Variants in CTNNA1 observed in about 807,000 individuals in gnomAD.
The protein encoded by CTNNA1 is catenin alpha 1.
CTNNA1 carries 37 observed loss-of-function variants against 98.4 expected under a neutral mutation model. That is an observed-to-expected ratio of 0.38 (90% CI 0.29 to 0.49). CTNNA1 has a LOEUF of 0.49. Among genes scored for constraint, CTNNA1 ranks in the 20% least tolerant of loss-of-function variants. The probability of loss-of-function intolerance (pLI) is 0.95; values close to 1 mark genes in which losing one functional copy is unlikely to be tolerated. For synonymous variants in CTNNA1, 404 were observed against 413.2 expected (o/e 0.98, Z 0.27); for missense variants, 761 against 1,147.2 (o/e 0.66, Z 4.86).
intron 7 of CTNNA1, among the ~76,000 whole-genome samples, chr5:138,862,969 G>T (rs1336327991): frequency 1.3e-5 from 2 of 152,176 alleles, no homozygotes; most frequent in Non-Finnish European, 2.9e-5. Context: ...TTCTGTGCTA[G>T]CCTCAGGACT....
chr5:138,881,357 G>A (rs890816120), intron 7 of CTNNA1, among the ~76,000 whole-genome samples: 15 of 152,220 alleles, frequency 9.9e-5, no homozygotes, highest in African/African-American at 3.6e-4. Context: ...AGCTTAGGCA[G>A]AGCCCACCAG....
intron 7 of CTNNA1, among the ~76,000 whole-genome samples, chr5:138,841,027 A>G (rs1455135771): frequency 6.6e-6 from 1 of 152,106 alleles, no homozygotes; most frequent in African/African-American, 2.4e-5. Context: ...CTCCTTTCTG[A>G]CTTCAGACCT....
chr5:138,771,019 C>T (rs1753494799), intron 1 of CTNNA1, among the ~76,000 whole-genome samples: 1 of 151,692 alleles, frequency 6.6e-6, no homozygotes, highest in African/African-American at 2.4e-5. Flanking sequence ...CTACTTAATT[C>T]CATTGCCATT....
chr5:138,922,060 A>G (rs759305770), intron 11 of CTNNA1, among the ~76,000 whole-genome samples: 6 of 152,178 alleles, frequency 3.9e-5, no homozygotes, highest in African/African-American at 7.2e-5. Context: ...GCTGCATGCC[A>G]TAAAGATACC....
chr5:138,865,142 C>T (rs1290392843), intron 7 of CTNNA1, among the ~76,000 whole-genome samples: 1 of 152,146 alleles, frequency 6.6e-6, no homozygotes, highest in Admixed American at 6.5e-5. Context: ...AATTGTACTC[C>T]TCGTGTAGAA....
chr5:138,773,810 G>A (rs571148345), intron 1 of CTNNA1, among the ~76,000 whole-genome samples: 3 of 151,704 alleles, frequency 2.0e-5, no homozygotes, highest in Non-Finnish European at 4.4e-5. Context: ...TTCTTTGGCT[G>A]AAGCGATCCT....
rs182964880 is a variant in CTNNA1, at chr5:138,794,478, A to G, written c.301+11106A>G. On this transcript the variant is annotated intron_variant, in intron 3 of 17. Coordinates refer to ENST00000302763, the MANE Select transcript of CTNNA1 (RefSeq NM_001903.5). ...ATCATCTAGGGGTCTGTTTTTACCA[A>G]ATATCCCTCCTTGATAAATGGAAGG... Among the ~76,000 whole-genome samples, 8 of 152,334 alleles carry G rather than the reference A, an allele frequency of 5.3e-5. No homozygotes were observed. The East Asian group carries it at 1.5e-3, about 29-fold the overall frequency.
chr5:138,907,221 C>T (rs1413796959), intron 10 of CTNNA1, among the ~76,000 whole-genome samples: 1 of 152,140 alleles, frequency 6.6e-6, no homozygotes, highest in African/African-American at 2.4e-5. Context: ...GGGGTTTCAC[C>T]ATGTTGCCCA....
At chr5:138,812,044 G>T (rs2149735949) in intron 4 of CTNNA1, 139 bp from the exon 5 acceptor site, 1 of 663,802 alleles carries the variant, frequency 1.5e-6, no homozygotes, top group East Asian at 2.7e-5. Context: ...AATGTTAGAA[G>T]ACCATGCGCA....
intron 7 of CTNNA1, among the ~76,000 whole-genome samples, chr5:138,859,029 C>G (rs1248093702): frequency 6.6e-6 from 1 of 152,196 alleles, no homozygotes; most frequent in African/African-American, 2.4e-5. Flanking sequence ...GGGCCATCTC[C>G]AGCTTATTTG....
intron 17 of CTNNA1, 191 bp downstream of exon 17, chr5:138,932,903 G>C: frequency 1.2e-6 from 1 of 819,962 alleles, no homozygotes; most frequent in Non-Finnish European, 2.1e-6. Context: ...TGACACCTGC[G>C]GGGCACTGCA....
intron 15 of CTNNA1, 23 bp from the exon 16 acceptor site, chr5:138,930,807 C>T: frequency 1.3e-6 from 2 of 1,559,212 alleles, no homozygotes; most frequent in Non-Finnish European, 1.8e-6. Context: ...TACAATAATC[C>T]TTGTTCTCTT....
intron 5 of CTNNA1, among the ~76,000 whole-genome samples, chr5:138,820,090 A>G (rs914337971): frequency 3.5e-5 from 5 of 141,968 alleles, no homozygotes; most frequent in African/African-American, 1.0e-4. Flanking sequence ...CCATGAGCCA[A>G]TTAAACCTGT....
chr5:138,868,158 AAT>A (rs1352796475), intron 7 of CTNNA1, among the ~76,000 whole-genome samples: 1 of 152,240 alleles, frequency 6.6e-6, no homozygotes, highest in African/African-American at 2.4e-5. Flanking sequence ...GACGGTATTA[AAT>A]ATGTGTTATC....
intron 5 of CTNNA1, among the ~76,000 whole-genome samples, chr5:138,816,850 C>T (rs988535635): frequency 1.8e-4 from 27 of 152,122 alleles, no homozygotes; most frequent in Admixed American, 1.8e-3. Flanking sequence ...AGGCATGCGC[C>T]ACCATGCCCA....
chr5:138,833,359 A>T (rs1376689143), intron 7 of CTNNA1, among the ~76,000 whole-genome samples: 1 of 152,252 alleles, frequency 6.6e-6, no homozygotes, highest in African/African-American at 2.4e-5. Context: ...ATATGTGGCT[A>T]TTGAGCACTT....
At position 138,836,810 on chromosome 5, in the gene CTNNA1, C is replaced by G. The variant is rs115873926; in HGVS notation, c.1062+9092C>G. On this transcript the variant is annotated intron_variant, in intron 7 of 17. Transcript: ENST00000302763. ...ATCTAAAGTAGTATTTCTGAATTAA[C>G]AGGTAATAACCTCTAAATATATCAG... 4.3e-3 allele frequency among the ~76,000 whole-genome samples: 658 copies of G among 152,302 alleles called. 1 individual carries two copies. Among genetic ancestry groups the G allele is most frequent in the African/African-American group, 0.015 (619 of 41,560 alleles).
chr5:138,887,055 G>A (rs535404067), intron 8 of CTNNA1, among the ~76,000 whole-genome samples: 4 of 152,116 alleles, frequency 2.6e-5, no homozygotes, highest in Non-Finnish European at 4.4e-5. Context: ...AAGGTTCATA[G>A]TGTGTGAATC....
At chr5:138,768,646 G>A (rs1159692631) in intron 1 of CTNNA1, among the ~76,000 whole-genome samples, 2 of 146,352 alleles carry the variant, frequency 1.4e-5, no homozygotes, top group East Asian at 2.1e-4. Context: ...CACAATCACG[G>A]CATGCTAAAC....
Sources: gnomAD v4.1 joint callset for allele counts (sites outside exome capture counted in the v4.1 genomes callset) on GRCh38, gnomAD v4.1.1 for gene constraint, MANE v1.5 for transcripts, NCBI Gene and HGNC (gene_info 2026-07-23, HGNC 2026-07-21) for gene names.